The following PTPRK variants were observed in gnomAD, a reference collection of about 807,000 sequenced individuals.
The protein encoded by PTPRK is protein tyrosine phosphatase receptor type K.
Under a neutral mutation model 178.0 loss-of-function variants are expected in PTPRK, and 75 were observed. The observed-to-expected ratio is 0.42, with a 90% confidence interval of 0.35 to 0.51. PTPRK has a LOEUF of 0.51. PTPRK is among the 20% of genes least tolerant of loss of function. The pLI, the probability that PTPRK is intolerant of heterozygous loss-of-function variation, is 0.02. For missense variants in PTPRK, 1,441 were observed against 1,797.8 expected, an observed-to-expected ratio of 0.80 and a Z score of 3.59; for synonymous variants, 637 against 620.6, an observed-to-expected ratio of 1.03 and a Z score of -0.39.
intron 27 of PTPRK, among the ~76,000 whole-genome samples, chr6:127,975,674 T>C (rs928724099): frequency 6.6e-6 from 1 of 152,216 alleles, no homozygotes; most frequent in Non-Finnish European, 1.5e-5. Flanking sequence ...AAATTGTTTT[T>C]ATTAATATCT....
intron 7 of PTPRK, among the ~76,000 whole-genome samples, chr6:128,117,544 A>T (rs1287066863): frequency 1.3e-5 from 2 of 152,228 alleles, no homozygotes; most frequent in Non-Finnish European, 2.9e-5. Flanking sequence ...CTGTATTTAA[A>T]TGCTGCAGTT....
At chr6:128,242,703 G>T (rs770214068) in intron 3 of PTPRK, 101 bp from the exon 4 acceptor site, 48 of 1,446,580 alleles carry the variant, frequency 3.3e-5, no homozygotes, top group Non-Finnish European at 4.3e-5. Context: ...TCTAATTTTT[G>T]TTCAGTAAGA....
chr6:128,430,937 TTTC>T (rs1844759293), intron 1 of PTPRK, among the ~76,000 whole-genome samples: 1 of 151,114 alleles, frequency 6.6e-6, no homozygotes, highest in Non-Finnish European at 1.5e-5. Context: ...TTTTAATTTT[TTTC>T]TTTTTTTTTT....
At chr6:128,072,279 A>C (rs1394565703) in intron 11 of PTPRK, among the ~76,000 whole-genome samples, 1 of 151,990 alleles carries the variant, frequency 6.6e-6, no homozygotes, top group Non-Finnish European at 1.5e-5. Flanking sequence ...TTACTACATT[A>C]TATGGAGGTT....
intron 13 of PTPRK, among the ~76,000 whole-genome samples, chr6:128,029,686 T>TC (rs1311122770): frequency 1.9e-3 from 275 of 145,822 alleles, no homozygotes; most frequent in Non-Finnish European, 3.3e-3. Context: ...ATAATAATAA[T>TC]AATCCAGCCT....
At chr6:128,083,533 A>G (rs1216204015) in intron 9 of PTPRK, 182 bp downstream of exon 9, 1 of 405,984 alleles carries the variant, frequency 2.5e-6, no homozygotes, top group East Asian at 3.7e-5. Flanking sequence ...GATGCCATAC[A>G]AAATATTTAT....
intron 1 of PTPRK, among the ~76,000 whole-genome samples, chr6:128,429,673 G>A (rs1031745319): frequency 6.6e-6 from 1 of 152,006 alleles, no homozygotes; most frequent in Admixed American, 6.5e-5. Context: ...CAAGACATGA[G>A]AGCAGAGAAA....
intron 7 of PTPRK, among the ~76,000 whole-genome samples, chr6:128,133,272 G>C (rs529299400): frequency 6.6e-6 from 1 of 151,850 alleles, no homozygotes; most frequent in Non-Finnish European, 1.5e-5. Flanking sequence ...GGATATCTAC[G>C]GTTTATTTCA....
chr6:128,505,700 CAATT>C, intron 1 of PTPRK, among the ~76,000 whole-genome samples: 1 of 152,180 alleles, frequency 6.6e-6, no homozygotes, highest in East Asian at 1.9e-4. Flanking sequence ...AAGTTTGTGT[CAATT>C]AAAGCTAGAA....
intron 7 of PTPRK, among the ~76,000 whole-genome samples, chr6:128,139,742 T>G (rs1239216728): frequency 6.6e-6 from 1 of 152,054 alleles, no homozygotes; most frequent in African/African-American, 2.4e-5. Context: ...ATCCAGGAGC[T>G]CTGAGTAAAT....
intron 19 of PTPRK, among the ~76,000 whole-genome samples, 177 bp from the exon 20 acceptor site, chr6:127,991,568 C>A (rs1201758848): frequency 7.0e-6 from 1 of 143,670 alleles, no homozygotes; most frequent in African/African-American, 2.6e-5. Flanking sequence ...GGCAAAAACA[C>A]AGGCATATAC....
chr6:128,336,201 TTG>T (rs1275971034), intron 2 of PTPRK, among the ~76,000 whole-genome samples: 1 of 151,594 alleles, frequency 6.6e-6, no homozygotes, highest in African/African-American at 2.4e-5. Context: ...GTTTTTTTTT[TTG>T]TTTTTTTTTG....
chr6:128,001,287 G>A, intron 15 of PTPRK: 1 of 1,103,946 alleles, frequency 9.1e-7, no homozygotes, highest in South Asian at 1.5e-5. Context: ...TTTTAAATCA[G>A]TAAGTATTAG....
At chr6:128,205,582 G>A (rs1260858636) in intron 6 of PTPRK, among the ~76,000 whole-genome samples, 1 of 151,558 alleles carries the variant, frequency 6.6e-6, no homozygotes, top group Non-Finnish European at 1.5e-5. Flanking sequence ...GACCAAACAT[G>A]GCCAATATGG....
intron 6 of PTPRK, among the ~76,000 whole-genome samples, chr6:128,217,286 T>C (rs917783067): frequency 6.6e-6 from 1 of 152,230 alleles, no homozygotes; most frequent in East Asian, 1.9e-4. Flanking sequence ...GCAGGTGATA[T>C]GAGCTGAATA....
intron 7 of PTPRK, among the ~76,000 whole-genome samples, chr6:128,166,171 C>A (rs930052229): frequency 4.0e-5 from 6 of 151,634 alleles, no homozygotes; most frequent in African/African-American, 1.4e-4. Flanking sequence ...CAAGGATTGC[C>A]TGAAGGTTAT....
At chr6:128,194,212 A>G (rs933236704) in intron 6 of PTPRK, among the ~76,000 whole-genome samples, 5 of 151,350 alleles carry the variant, frequency 3.3e-5, no homozygotes, top group Non-Finnish European at 7.4e-5. Flanking sequence ...CAGCCTCCCG[A>G]GTAGCTGGGA....
intron 6 of PTPRK, among the ~76,000 whole-genome samples, chr6:128,201,243 T>C (rs1390736190): frequency 6.6e-6 from 1 of 152,122 alleles, no homozygotes; most frequent in African/African-American, 2.4e-5. Context: ...AATTCATAAT[T>C]CTTGACATAA....
chr6:127,987,543 G>A (rs1461864123), intron 21 of PTPRK, among the ~76,000 whole-genome samples: 1 of 152,022 alleles, frequency 6.6e-6, no homozygotes, highest in African/African-American at 2.4e-5. Context: ...ATAAAGACAA[G>A]CTATAACTCA....
Sources: gnomAD v4.1 joint callset for allele counts (sites outside exome capture counted in the v4.1 genomes callset) on GRCh38, gnomAD v4.1.1 for gene constraint, MANE v1.5 for transcripts, NCBI Gene and HGNC (gene_info 2026-07-23, HGNC 2026-07-21) for gene names.